The following ACACA variants were observed in gnomAD, a reference collection of about 807,000 sequenced individuals.
ACACA encodes acetyl-CoA carboxylase 1.
ACACA carries 103 observed loss-of-function variants against 296.1 expected under a neutral mutation model. The observed-to-expected ratio is 0.35, with a 90% CI of 0.30 to 0.41. The LOEUF (loss-of-function observed/expected upper bound fraction) is 0.41, where lower values mean the gene tolerates loss of function less well. Ranked by LOEUF, ACACA falls within the 10% of genes least tolerant of loss-of-function variation. The probability of loss-of-function intolerance (pLI) is 1.00; values close to 1 mark genes in which losing one functional copy is unlikely to be tolerated. For missense variants in ACACA, 1,554 were observed against 2,989.7 expected (o/e 0.52, Z 11.20); for synonymous variants, 953 against 1,038.6 (o/e 0.92, Z 1.58).
chr17:37,363,090 G>A (rs1255766775), intron 1 of ACACA, among the ~76,000 whole-genome samples: 1 of 146,926 alleles, frequency 6.8e-6, no homozygotes, highest in Non-Finnish European at 1.5e-5. Context: ...GGGCTCAAGC[G>A]ATCCTGCCAC....
chr17:37,164,446 C>T (rs965432814), intron 41 of ACACA, among the ~76,000 whole-genome samples: 1 of 151,990 alleles, frequency 6.6e-6, no homozygotes, highest in Non-Finnish European at 1.5e-5. Flanking sequence ...TAAATATAAG[C>T]TATTTAATAT....
At chr17:37,129,045 T>A (rs1192419085) in intron 47 of ACACA, among the ~76,000 whole-genome samples, 2 of 152,220 alleles carry the variant, frequency 1.3e-5, no homozygotes, top group East Asian at 3.8e-4. Context: ...TTTTATGGCT[T>A]ATATTGAACT....
At chr17:37,264,910 T>C (rs1197022509) in intron 10 of ACACA, among the ~76,000 whole-genome samples, 2 of 152,206 alleles carry the variant, frequency 1.3e-5, no homozygotes, top group African/African-American at 2.4e-5. Flanking sequence ...TGCACTTACA[T>C]ACATATCATC....
chr17:37,310,318 G>A (rs1010623479), intron 3 of ACACA, among the ~76,000 whole-genome samples: 16 of 152,106 alleles, frequency 1.1e-4, no homozygotes, highest in African/African-American at 2.9e-4. Flanking sequence ...AAGATTGGGG[G>A]AGGATCAAAT....
At chr17:37,345,822 T>C (rs2048587717) in intron 1 of ACACA, among the ~76,000 whole-genome samples, 1 of 152,186 alleles carries the variant, frequency 6.6e-6, no homozygotes, top group Non-Finnish European at 1.5e-5. Flanking sequence ...ACTAAGAAAC[T>C]ATCACAGATC....
Position 37,122,607 on chromosome 17 carries a change from C to G in ACACA, c.6062G>C (p.Gly2021Ala). The G allele has an allele frequency of 6.2e-7, 1 of 1,614,154 alleles. No homozygotes were observed. The highest frequency in any genetic ancestry group is 1.1e-5 in the South Asian group (1 of 91,086). Residue 2021 changes from glycine (G) to alanine (A), a missense_variant, in exon 49 of 56, where the codon GGA becomes GCA. By Grantham distance (60) the Gly-to-Ala change is moderately conservative (BLOSUM62 0). Coordinates refer to ENST00000616317, the MANE Select transcript of ACACA (RefSeq NM_198834.3). ...GRARLGGIPV[G>A]VVAVETRTVE... Reference sequence around the variant, plus strand: ...TGTTCGGGTTTCTACAGCAACAACTCCCACAGGTATTCCTCCTAGCCTGAT... The same window carrying G: ...TGTTCGGGTTTCTACAGCAACAACTGCCACAGGTATTCCTCCTAGCCTGAT...
intron 41 of ACACA, among the ~76,000 whole-genome samples, chr17:37,166,206 T>G (rs1177743562): frequency 1.3e-5 from 2 of 152,140 alleles, no homozygotes; most frequent in Non-Finnish European, 1.5e-5. Context: ...CAAATACAGC[T>G]CACTGAAGCC....
At chr17:37,224,643 ATG>A (rs149864623) in intron 27 of ACACA, among the ~76,000 whole-genome samples, 1 of 151,996 alleles carries the variant, frequency 6.6e-6, no homozygotes, top group Admixed American at 6.5e-5. Context: ...CATCAGAGAA[ATG>A]TGTGTGTGTA....
chr17:37,379,240 T>C (rs1299482321), intron 1 of ACACA: 3 of 1,613,868 alleles, frequency 1.9e-6, no homozygotes, highest in African/African-American at 2.7e-5. Flanking sequence ...ACCTTGTATA[T>C]TTGGAGAGAA....
chr17:37,149,571 C>T (rs1010340861), intron 45 of ACACA, among the ~76,000 whole-genome samples: 3 of 152,186 alleles, frequency 2.0e-5, no homozygotes, highest in African/African-American at 4.8e-5. Context: ...AAAACATAAG[C>T]ACTTTAGAGC....
rs2051513852 is a variant in ACACA, at chr17:37,406,449, C to A, written c.-150G>T. On this transcript the variant is annotated 5_prime_UTR_variant, in exon 1 of 56. Transcript: ENST00000616317. ...TCAGTCTGGTTCATCCACGAGCAGC[C>A]CTTCGGGGCCCGGACTGGAGAGGCG... 2.3e-6 allele frequency: 2 copies of A among 858,138 alleles called. No individual in the cohort carries two copies. Among genetic ancestry groups the A allele is most frequent in the South Asian group, 2.8e-5 (2 of 71,494 alleles). The allele number at this position is 858,138 out of a possible 1,614,324, so 53.2% of individuals were successfully genotyped here.
At chr17:37,396,067 T>G (rs181999790) in intron 1 of ACACA, among the ~76,000 whole-genome samples, 46 of 152,204 alleles carry the variant, frequency 3.0e-4, no homozygotes, top group African/African-American at 1.1e-3. Context: ...CAGCCAGGCA[T>G]GGTAGCTCAC....
chr17:37,397,211 T>G (rs2051111181), intron 1 of ACACA, among the ~76,000 whole-genome samples: 1 of 152,200 alleles, frequency 6.6e-6, no homozygotes, highest in Non-Finnish European at 1.5e-5. Flanking sequence ...ACAAAGGACA[T>G]GAACTCATCC....
At chr17:37,154,122 C>A (rs1192044031) in intron 43 of ACACA, among the ~76,000 whole-genome samples, 3 of 151,856 alleles carry the variant, frequency 2.0e-5, no homozygotes, top group Non-Finnish European at 4.4e-5. Flanking sequence ...GCCTGGGGAA[C>A]CTAGCAAGAC....
chr17:37,170,571 T>G (rs1049787534), intron 41 of ACACA, among the ~76,000 whole-genome samples: 3 of 152,172 alleles, frequency 2.0e-5, no homozygotes, highest in Non-Finnish European at 2.9e-5. Context: ...TGAGATGTCA[T>G]TTTCTCGCTG....
At chr17:37,379,116 A>C (rs368823062) in intron 1 of ACACA, 12 of 1,600,614 alleles carry the variant, frequency 7.5e-6, no homozygotes, top group East Asian at 4.5e-5. Flanking sequence ...CCATTTTTCT[A>C]TCTGGTTCTT....
At chr17:37,389,843 T>C (rs2050715134) in intron 1 of ACACA, among the ~76,000 whole-genome samples, 1 of 151,842 alleles carries the variant, frequency 6.6e-6, no homozygotes, top group Non-Finnish European at 1.5e-5. Context: ...CAATCCTTCT[T>C]ATGTCAGGAA....
chr17:37,331,736 C>T (rs2047895266), intron 2 of ACACA, among the ~76,000 whole-genome samples: 1 of 151,642 alleles, frequency 6.6e-6, no homozygotes, highest in Non-Finnish European at 1.5e-5. Flanking sequence ...GAAATGGGGA[C>T]TCCCTATGTT....
intron 25 of ACACA, among the ~76,000 whole-genome samples, chr17:37,228,862 G>T (rs1325663988): frequency 6.6e-6 from 1 of 152,074 alleles, no homozygotes; most frequent in African/African-American, 2.4e-5. Context: ...AGAGCACTAG[G>T]GCCAGGCGCG....
Sources: allele counts gnomAD v4.1 joint callset (sites outside exome capture counted in the v4.1 genomes callset), GRCh38; gene constraint gnomAD v4.1.1; transcripts MANE v1.5; gene names NCBI Gene and HGNC (gene_info 2026-07-23, HGNC 2026-07-21).